TRPC5: variants seen among roughly 807,000 people sequenced by gnomAD.
The protein encoded by TRPC5 is short transient receptor potential channel 5.
TRPC5 carries 9 observed loss-of-function variants against 56.5 expected under a neutral mutation model. The ratio of observed to expected loss-of-function variants is 0.16; its 90% CI spans 0.10 to 0.28. The LOEUF is 0.28. TRPC5 is among the 10% of genes least tolerant of loss of function. The probability of loss-of-function intolerance (pLI) is 1.00; values close to 1 mark genes in which losing one functional copy is unlikely to be tolerated. For synonymous variants in TRPC5, 282 were observed against 278.5 expected (o/e 1.01, Z -0.13); for missense variants, 469 against 748.9 (o/e 0.63, Z 4.36).
intron 1 of TRPC5, among the ~76,000 whole-genome samples, chrX:112,078,207 T>TTGTG (rs779502987): frequency 9.0e-5 from 10 of 111,117 alleles, no homozygotes; most frequent in African/African-American, 3.0e-4. Flanking sequence ...CAAGATAGGA[T>TTGTG]TGTGTGTGTG....
rs953304867 is a variant in TRPC5, at chrX:111,772,976, A to G, written c.*3337T>C. On this transcript the variant is annotated 3_prime_UTR_variant, in exon 11 of 11. Transcript: ENST00000262839. ...AGATGAGGTTTGCACTGCCATAAGA[A>G]CTATAAAGTTCTTTTTGGAAAAGGT... is the stretch of plus-strand genomic sequence containing the variant. 6.1e-4 allele frequency among the ~76,000 whole-genome samples: 68 copies of G among 111,898 alleles called. No homozygotes were observed. The highest frequency in any genetic ancestry group is 2.1e-3 in the African/African-American group (66 of 30,843).
At chrX:111,895,832 C>T (rs1476380788) in intron 3 of TRPC5, 1 of 111,700 alleles carries the variant, frequency 9.0e-6, no homozygotes, top group African/African-American at 3.3e-5. Context: ...TTCACTATTA[C>T]TAGCCTTTAT....
intron 6 of TRPC5, among the ~76,000 whole-genome samples, chrX:111,837,130 G>A (rs1922586213): frequency 8.9e-6 from 1 of 112,476 alleles, no homozygotes; most frequent in African/African-American, 3.2e-5. Flanking sequence ...AGAATCAAAA[G>A]TAAGATGAGA....
chrX:112,067,754 G>T (rs1930619928), intron 1 of TRPC5, among the ~76,000 whole-genome samples: 1 of 112,106 alleles, frequency 8.9e-6, no homozygotes, highest in African/African-American at 3.2e-5. Flanking sequence ...GGCAGACTCA[G>T]AGAGGAAGCA....
chrX:111,778,783 C>T (rs1025299963), intron 10 of TRPC5, among the ~76,000 whole-genome samples: 4 of 111,657 alleles, frequency 3.6e-5, no homozygotes, highest in African/African-American at 1.3e-4. Flanking sequence ...TCCTTCATTC[C>T]TGACACTGAT....
chrX:112,006,527 A>G (rs113384638), intron 1 of TRPC5, among the ~76,000 whole-genome samples: 10,226 of 111,179 alleles, frequency 0.092, 751 homozygotes, highest in African/African-American at 0.25. Context: ...GCCCAAAGTC[A>G]TACAGCTAAC....
chrX:111,826,099 G>A (rs1025182079), intron 7 of TRPC5, among the ~76,000 whole-genome samples: 3 of 112,143 alleles, frequency 2.7e-5, no homozygotes, highest in East Asian at 2.8e-4. Context: ...TCAAGTTGCC[G>A]AAAACCACAG....
intron 3 of TRPC5, among the ~76,000 whole-genome samples, chrX:111,874,598 A>C (rs977279182): frequency 3.7e-5 from 4 of 108,777 alleles, no homozygotes; most frequent in Non-Finnish European, 7.5e-5. Context: ...TGATGACTCT[A>C]TGAGGGTGGT....
At chrX:111,793,075 A>G (rs1423634101) in intron 7 of TRPC5, among the ~76,000 whole-genome samples, 1 of 111,370 alleles carries the variant, frequency 9.0e-6, no homozygotes, top group African/African-American at 3.3e-5. Context: ...AATGGTAAGC[A>G]GAATCTAGAA....
chrX:112,036,412 T>C (rs1378809831), intron 1 of TRPC5, among the ~76,000 whole-genome samples: 2 of 111,762 alleles, frequency 1.8e-5, no homozygotes, highest in Non-Finnish European at 3.8e-5. Flanking sequence ...ATACATAGAT[T>C]AGAACAGACA....
chrX:111,836,292 G>A (rs1008462080), intron 6 of TRPC5, among the ~76,000 whole-genome samples: 1 of 112,174 alleles, frequency 8.9e-6, no homozygotes, highest in African/African-American at 3.2e-5. Context: ...CATTGCCCAA[G>A]CCTATGGAAA....
In TRPC5 at chrX:111,957,248, G is replaced by T. The variant is rs778340875; in HGVS notation, c.-21-4807C>A. On this transcript the variant is annotated intron_variant, in intron 1 of 10. Coordinates refer to ENST00000262839, the MANE Select transcript of TRPC5 (RefSeq NM_012471.3). Reference sequence around the variant, plus strand: ...GTTTTTTAGTCCATTCATTCATTCAGCAATGCTTTGTTGAGGTGATAGTGC... The same window carrying T: ...GTTTTTTAGTCCATTCATTCATTCATCAATGCTTTGTTGAGGTGATAGTGC... Among the ~76,000 whole-genome samples, 6 of 111,818 alleles carry T rather than the reference G, an allele frequency of 5.4e-5. No homozygotes were observed. The East Asian group carries it at 1.7e-3, about 31-fold the overall frequency.
Position 111,776,363 on chromosome X carries a change from T to A in TRPC5, c.2872A>T (p.Met958Leu), listed in dbSNP as rs778245918. The part of the protein sequence containing the change: ...ETWGEACDLL[M>L]HKWGDGQEEQ... ...TCCTGTCCATCACCCCATTTGTGCA[T>A]GAGCAAGTCACAAGCCTCTCCCCAA... The change falls in exon 11 of 11, where the codon ATG becomes TTG. Residue 958 changes from methionine to leucine, a missense_variant. Coordinates refer to ENST00000262839, the MANE Select transcript of TRPC5 (RefSeq NM_012471.3). 5 of 1,202,384 alleles carry A rather than the reference T, an allele frequency of 4.2e-6. No individual in the cohort carries two copies. Among genetic ancestry groups the A allele is most frequent in the African/African-American group, 3.5e-5 (2 of 57,493 alleles).
chrX:111,825,150 T>TTCCTTC (rs1569525904), intron 7 of TRPC5, among the ~76,000 whole-genome samples: 641 of 17,497 alleles, frequency 0.037, 23 homozygotes, highest in African/African-American at 0.059. Flanking sequence ...TTCCTTCCTT[T>TTCCTTC]CTTTCTTTCT....
intron 3 of TRPC5, among the ~76,000 whole-genome samples, chrX:111,865,492 A>G (rs1932959985): frequency 9.1e-6 from 1 of 109,351 alleles, no homozygotes; most frequent in Non-Finnish European, 1.9e-5. Context: ...ACGCCTGGCT[A>G]ATTTTTTGTA....
intron 7 of TRPC5, among the ~76,000 whole-genome samples, chrX:111,818,118 C>T (rs936507003): frequency 9.0e-6 from 1 of 111,647 alleles, no homozygotes; most frequent in Admixed American, 9.5e-5. Context: ...CTCGACTCCG[C>T]AAGAACCTCC....
At chrX:112,008,369 A>C (rs922513566) in intron 1 of TRPC5, among the ~76,000 whole-genome samples, 109 of 111,693 alleles carry the variant, frequency 9.8e-4, no homozygotes, top group Non-Finnish European at 7.5e-4. Context: ...AGGCAGGTGG[A>C]TCACGAGGTC....
At position 111,837,506 on chromosome X, in the gene TRPC5, C is replaced by T. The variant is rs1216721978; in HGVS notation, c.1701-2390G>A. On this transcript the variant is annotated intron_variant, in intron 6 of 10. Transcript: ENST00000262839. The stretch of plus-strand genomic sequence containing the variant: ...ATGTCATTCTGAGGAACCAGAGTCC[C>T]TGGAAGCTGAATGACCTTGAACACA... Among the ~76,000 whole-genome samples the T allele has an allele frequency of 4.5e-5, 5 of 111,642 alleles. No homozygotes were observed. The Admixed American group carries it at 4.8e-4, about 11-fold the overall frequency.
chrX:112,040,064 C>G (rs1300562202), intron 1 of TRPC5, among the ~76,000 whole-genome samples: 1 of 111,867 alleles, frequency 8.9e-6, no homozygotes, highest in Non-Finnish European at 1.9e-5. Flanking sequence ...CAAATAAGAG[C>G]CCTCAATGGG....
Sources: allele counts gnomAD v4.1 joint callset (sites outside exome capture counted in the v4.1 genomes callset), GRCh38; gene constraint gnomAD v4.1.1; transcripts MANE v1.5; gene names NCBI Gene and HGNC (gene_info 2026-07-23, HGNC 2026-07-21).